RNF180: variants seen among roughly 807,000 people sequenced by gnomAD.
RNF180 encodes ring finger protein 180, also known as E3 ubiquitin-protein ligase RNF180.
RNF180 carries 38 observed loss-of-function variants against 59.2 expected under a neutral mutation model. The observed-to-expected ratio is 0.64, with a 90% CI of 0.50 to 0.84. RNF180 has a LOEUF of 0.84. Among genes scored for constraint, RNF180 ranks in the 40% least tolerant of loss-of-function variants. The pLI, the probability that RNF180 is intolerant of heterozygous loss-of-function variation, is 0.00. For synonymous variants in RNF180, 262 were observed against 240.3 expected, an observed-to-expected ratio of 1.09 and a Z score of -0.84; for missense variants, 705 against 700.9, an observed-to-expected ratio of 1.01 and a Z score of -0.07.
intron 4 of RNF180, 138 bp from the exon 5 acceptor site, chr5:64,217,223 T>C: frequency 9.6e-7 from 1 of 1,043,418 alleles, no homozygotes; most frequent in Non-Finnish European, 1.2e-6. Context: ...AGTATTCCAT[T>C]GTATGAATGA....
intron 5 of RNF180, among the ~76,000 whole-genome samples, chr5:64,313,375 C>CTTAGCTCCCATTT: frequency 6.6e-6 from 1 of 152,188 alleles, no homozygotes; most frequent in East Asian, 1.9e-4. Context: ...GTACTCAATG[C>CTTAGCTCCCATTT]TTAGCTCCCA....
At chr5:64,316,188 G>A (rs1744035055) in intron 5 of RNF180, among the ~76,000 whole-genome samples, 1 of 152,118 alleles carries the variant, frequency 6.6e-6, no homozygotes, top group African/African-American at 2.4e-5. Context: ...GAGATCACAG[G>A]CACATGTCAC....
At chr5:64,247,185 C>G (rs1743235848) in intron 5 of RNF180, among the ~76,000 whole-genome samples, 1 of 152,128 alleles carries the variant, frequency 6.6e-6, no homozygotes, top group African/African-American at 2.4e-5. Context: ...TGGAAGCATT[C>G]CCTTCGAAAA....
intron 1 of RNF180, among the ~76,000 whole-genome samples, chr5:64,184,721 G>A (rs1033733156): frequency 6.6e-6 from 1 of 152,058 alleles, no homozygotes; most frequent in African/African-American, 2.4e-5. Context: ...AGTATCCCTG[G>A]GCTGGTGATG....
intron 5 of RNF180, among the ~76,000 whole-genome samples, chr5:64,261,630 A>C (rs950931227): frequency 2.3e-4 from 35 of 152,028 alleles, no homozygotes; most frequent in Admixed American, 2.0e-3. Context: ...CCCTCTCCCT[A>C]CCTTCGTTGT....
chr5:64,281,656 GCCT>G (rs1742016053), intron 5 of RNF180, among the ~76,000 whole-genome samples: 3 of 151,992 alleles, frequency 2.0e-5, no homozygotes, highest in Non-Finnish European at 4.4e-5. Context: ...GCGCCACCAT[GCCT>G]GGCTAATTTT....
At chr5:64,268,730 A>C (rs1032213167) in intron 5 of RNF180, among the ~76,000 whole-genome samples, 1 of 152,158 alleles carries the variant, frequency 6.6e-6, no homozygotes, top group Non-Finnish European at 1.5e-5. Flanking sequence ...GCTCATCTAC[A>C]GTGCTGCAGC....
intron 5 of RNF180, among the ~76,000 whole-genome samples, chr5:64,303,528 A>G (rs1743271023): frequency 6.6e-6 from 1 of 151,696 alleles, no homozygotes; most frequent in Non-Finnish European, 1.5e-5. Context: ...CATTGCTGAT[A>G]TGAAGACAGT....
chr5:64,190,690 G>A (rs1163238641), intron 1 of RNF180, among the ~76,000 whole-genome samples: 9 of 152,072 alleles, frequency 5.9e-5, no homozygotes, highest in Non-Finnish European at 5.9e-5. Context: ...AAAAGGGTGG[G>A]GCTGTAACCC....
chr5:64,263,311 C>T (rs1236720723), intron 5 of RNF180, among the ~76,000 whole-genome samples: 1 of 152,118 alleles, frequency 6.6e-6, no homozygotes, highest in East Asian at 1.9e-4. Context: ...CAATTTGTAA[C>T]ACTTGCCGGT....
intron 4 of RNF180, among the ~76,000 whole-genome samples, chr5:64,214,785 A>G (rs1752527484): frequency 6.6e-6 from 1 of 152,114 alleles, no homozygotes; most frequent in African/African-American, 2.4e-5. Context: ...TTAATCTCTA[A>G]TTAACACTGG....
chr5:64,238,055 C>T (rs148527209), intron 5 of RNF180, among the ~76,000 whole-genome samples: 5 of 152,126 alleles, frequency 3.3e-5, no homozygotes, highest in Non-Finnish European at 7.4e-5. Context: ...ATGAACTTGA[C>T]GAGTTTTAGA....
At chr5:64,308,986 G>T (rs948012555) in intron 5 of RNF180, among the ~76,000 whole-genome samples, 14 of 151,482 alleles carry the variant, frequency 9.2e-5, no homozygotes, top group African/African-American at 3.4e-4. Context: ...AGAATAATTT[G>T]CCCTCTTCTT....
At chr5:64,271,989 A>G (rs1010344276) in intron 5 of RNF180, among the ~76,000 whole-genome samples, 3 of 152,206 alleles carry the variant, frequency 2.0e-5, no homozygotes, top group Admixed American at 1.3e-4. Flanking sequence ...ATAAAATACA[A>G]TAGACTAGAA....
At chr5:64,235,410 AAATACTT>A (rs1387966613) in intron 5 of RNF180, among the ~76,000 whole-genome samples, 1 of 152,160 alleles carries the variant, frequency 6.6e-6, no homozygotes, top group Non-Finnish European at 1.5e-5. Context: ...TTTTTCTACT[AAATACTT>A]AAAATAAGCA....
rs1746625135 is a variant in RNF180, at chr5:64,370,488, A to G, written c.*674A>G. Reference sequence around the variant, plus strand: ...CACTTTCCAGATTGAAGGATTAATCACCAGAAGACATGAAAAATTTACCGA... The same window carrying G: ...CACTTTCCAGATTGAAGGATTAATCGCCAGAAGACATGAAAAATTTACCGA... On this transcript the variant is annotated 3_prime_UTR_variant, in exon 8 of 8. Coordinates refer to ENST00000389100, the MANE Select transcript of RNF180 (RefSeq NM_001113561.2). The G allele has an allele frequency of 2.6e-5, 4 of 151,886 alleles. No individual in the cohort carries two copies. In the South Asian group the frequency reaches 8.3e-4, roughly 31 times the overall value. The allele number at this position is 151,886 out of a possible 1,614,324, so 9.4% of individuals were successfully genotyped here. A position where few individuals can be genotyped will look rare whatever the true frequency, so the allele number is the denominator to read the frequency against.
intron 1 of RNF180, among the ~76,000 whole-genome samples, chr5:64,200,036 C>G (rs1166019971): frequency 6.6e-6 from 1 of 152,182 alleles, no homozygotes; most frequent in East Asian, 1.9e-4. Flanking sequence ...CCAATTTTCA[C>G]AGAATTAACA....
intron 5 of RNF180, among the ~76,000 whole-genome samples, chr5:64,305,757 TTATTTA>T (rs1743412987): frequency 6.6e-6 from 1 of 151,598 alleles, no homozygotes; most frequent in Admixed American, 6.6e-5. Context: ...CAACAGAGAT[TTATTTA>T]TTTCTCATGT....
At chr5:64,184,680 C>T (rs1280895774) in intron 1 of RNF180, among the ~76,000 whole-genome samples, 3 of 152,080 alleles carry the variant, frequency 2.0e-5, no homozygotes, top group Non-Finnish European at 4.4e-5. Context: ...TAGGGTGAGC[C>T]AAAGACTTCC....
Sources: gnomAD v4.1 joint callset for allele counts (sites outside exome capture counted in the v4.1 genomes callset) on GRCh38, gnomAD v4.1.1 for gene constraint, MANE v1.5 for transcripts, NCBI Gene and HGNC (gene_info 2026-07-23, HGNC 2026-07-21) for gene names.